Variants in NTRK1 observed in about 807,000 individuals in gnomAD.
NTRK1 encodes the protein high affinity nerve growth factor receptor.
NTRK1 carries 62 observed loss-of-function variants against 86.8 expected under a neutral mutation model. That is an observed-to-expected ratio of 0.71 (90% CI 0.58 to 0.88). The LOEUF (loss-of-function observed/expected upper bound fraction) is 0.88, where lower values mean the gene tolerates loss of function less well. Ranked by LOEUF, NTRK1 falls within the 40% of genes least tolerant of loss-of-function variation. The pLI, the probability that NTRK1 is intolerant of heterozygous loss-of-function variation, is 0.00. For synonymous variants in NTRK1, 469 were observed against 456.6 expected, an observed-to-expected ratio of 1.03 and a Z score of -0.35; for missense variants, 967 against 1,078.4, an observed-to-expected ratio of 0.90 and a Z score of 1.45.
chr1:156,825,186 G>A (rs1287118944), intron 1 of NTRK1, among the ~76,000 whole-genome samples: 2 of 152,176 alleles, frequency 1.3e-5, no homozygotes, highest in East Asian at 3.9e-4. Context: ...ACTGCACCTG[G>A]CCCAGTAGGG....
chr1:156,861,286 C>T, intron 1 of NTRK1, 140 bp downstream of exon 1: 1 of 941,614 alleles, frequency 1.1e-6, no homozygotes, highest in South Asian at 1.7e-5. Flanking sequence ...TTCGGCGCTG[C>T]CCGGGCGTTC....
rs751775465 is a variant in NTRK1, at chr1:156,843,114, C to G, written c.50+921C>G. 1.9e-6 allele frequency: 3 copies of G among 1,614,050 alleles called. No individual in the cohort carries two copies. The African/African-American group carries it at 4.0e-5, about 22-fold the overall frequency. On this transcript the variant is annotated intron_variant, in intron 2 of 16. Coordinates refer to the NTRK1 transcript ENST00000392302. ...GTCTTCAGGGCCACGGGTGTGGACT[C>G]CTCTCCAGCCTCAAGTCCTCGTGCC...
At chr1:156,861,568 G>A (rs1050080305) in intron 1 of NTRK1, among the ~76,000 whole-genome samples, 12 of 152,248 alleles carry the variant, frequency 7.9e-5, no homozygotes, top group South Asian at 2.1e-4. Context: ...GCCAGCCCCC[G>A]CCCACTTTCT....
At chr1:156,864,124 T>A (rs1655812262) in intron 1 of NTRK1, among the ~76,000 whole-genome samples, 1 of 152,122 alleles carries the variant, frequency 6.6e-6, no homozygotes, top group Non-Finnish European at 1.5e-5. Flanking sequence ...CATATGTATG[T>A]GCGCTTGTGT....
intron 1 of NTRK1, among the ~76,000 whole-genome samples, chr1:156,863,458 C>T (rs1655776204): frequency 6.6e-6 from 1 of 152,150 alleles, no homozygotes; most frequent in Non-Finnish European, 1.5e-5. Context: ...CAGTCTGTGC[C>T]TCTTCTCCCC....
chr1:156,868,430 G>T, intron 5 of NTRK1, 75 bp from the exon 6 acceptor site: 1 of 1,546,272 alleles, frequency 6.5e-7, no homozygotes. Context: ...GGGGGAAGGA[G>T]CAGCCCCGCA....
Position 156,876,539 on chromosome 1 carries a change from A to G in NTRK1, c.1772A>G (p.Tyr591Cys), listed in dbSNP as rs1647927866. 6.2e-7 allele frequency: 1 copy of G among 1,613,158 alleles called. No homozygotes were observed. Among genetic ancestry groups the G allele is most frequent in the African/African-American group, 1.3e-5 (1 of 74,906 alleles). ...CGCCCCCTGCTCATGGTCTTTGAGT[A>G]TATGCGGCACGGGGACCTCAACCGC... ...EGRPLLMVFE[Y>C]MRHGDLNRFL... The change falls in exon 14 of 17, where the codon TAT becomes TGT. Residue 591 changes from tyrosine (Y) to cysteine (C), a missense_variant. Coordinates refer to ENST00000524377, the MANE Select transcript of NTRK1 (RefSeq NM_002529.4).
rs758022595 is a variant in NTRK1, at chr1:156,874,450, G to C, written c.1195+50G>C. On this transcript the variant is annotated intron_variant, in intron 9 of 16. Coordinates refer to ENST00000524377, the MANE Select transcript of NTRK1 (RefSeq NM_002529.4). ...GGTTCTGCCTGGTCTCTGGAGCTGA[G>C]GCTGGGGCAGAGGGTACAGCTGAAC... is the stretch of plus-strand genomic sequence containing the variant. 4 of 1,613,962 alleles carry C rather than the reference G, an allele frequency of 2.5e-6. No homozygotes were observed. The South Asian group carries it at 4.4e-5, about 18-fold the overall frequency.
At chr1:156,875,782 C>T in intron 12 of NTRK1, 116 bp downstream of exon 12, 1 of 1,436,384 alleles carries the variant, frequency 7.0e-7, no homozygotes, top group Admixed American at 1.9e-5. Context: ...CCCACCCCTC[C>T]CCAGCCCTAT....
intron 1 of NTRK1, among the ~76,000 whole-genome samples, chr1:156,836,322 G>A (rs1266873945): frequency 6.6e-6 from 1 of 152,218 alleles, no homozygotes; most frequent in Non-Finnish European, 1.5e-5. Flanking sequence ...AGCTTCCACA[G>A]CTGTGCATAG....
upstream of NTRK1, chr1:156,860,710 G>T (rs1009170730): frequency 4.8e-6 from 4 of 825,026 alleles, no homozygotes; most frequent in Non-Finnish European, 3.4e-6. Flanking sequence ...GAAGGCTGAC[G>T]CTGGGGGCCC....
chr1:156,816,734 G>C (rs145785959), intron 1 of NTRK1: 2 of 1,588,084 alleles, frequency 1.3e-6, no homozygotes, highest in East Asian at 4.7e-5. Context: ...AGGGATCCCA[G>C]AGCAGGGTGT....
chr1:156,822,144 C>A (rs1216548962), intron 1 of NTRK1, among the ~76,000 whole-genome samples: 1 of 152,188 alleles, frequency 6.6e-6, no homozygotes, highest in African/African-American at 2.4e-5. Context: ...GAAACATACA[C>A]AATTTGTGTC....
At chr1:156,852,379 C>T (rs1343692917) in intron 2 of NTRK1, among the ~76,000 whole-genome samples, 3 of 152,250 alleles carry the variant, frequency 2.0e-5, no homozygotes, top group African/African-American at 2.4e-5. Flanking sequence ...GGACTGTGGC[C>T]GTCTGTGGCT....
chr1:156,838,843 C>CAT (rs1228448564), intron 1 of NTRK1, among the ~76,000 whole-genome samples: 3 of 152,214 alleles, frequency 2.0e-5, no homozygotes, highest in Non-Finnish European at 2.9e-5. Flanking sequence ...GGTTAGGGGG[C>CAT]ATAGGTAGTG....
intron 1 of NTRK1, among the ~76,000 whole-genome samples, chr1:156,835,083 C>T (rs1031134850): frequency 3.1e-4 from 47 of 152,102 alleles, no homozygotes; most frequent in African/African-American, 1.0e-3. Flanking sequence ...GGGGAAGGTG[C>T]CCTCACTTTT....
At chr1:156,867,227 A>G (rs1364938376) in intron 4 of NTRK1, among the ~76,000 whole-genome samples, 1 of 152,240 alleles carries the variant, frequency 6.6e-6, no homozygotes, top group Non-Finnish European at 1.5e-5. Flanking sequence ...AGCAGATTAC[A>G]GGCCCACTGT....
chr1:156,851,606 T>C, intron 2 of NTRK1: 1 of 1,613,868 alleles, frequency 6.2e-7, no homozygotes. Flanking sequence ...AGGAAGGGTA[T>C]GACCAGGAGG....
chr1:156,861,693 A>G (rs1310412349), intron 1 of NTRK1, among the ~76,000 whole-genome samples: 1 of 151,844 alleles, frequency 6.6e-6, no homozygotes, highest in Non-Finnish European at 1.5e-5. Context: ...CATTTTTACC[A>G]TTCCTTCCCC....
Sources: allele counts gnomAD v4.1 joint callset (sites outside exome capture counted in the v4.1 genomes callset), GRCh38; gene constraint gnomAD v4.1.1; transcripts MANE v1.5; gene names NCBI Gene and HGNC (gene_info 2026-07-23, HGNC 2026-07-21).